DAB1: variants seen among roughly 807,000 people sequenced by gnomAD.
DAB1 encodes the protein DAB adaptor protein 1.
Under a neutral mutation model 64.6 loss-of-function variants are expected in DAB1, and 15 were observed. That is an observed-to-expected ratio of 0.23 (90% CI 0.16 to 0.36). The LOEUF (loss-of-function observed/expected upper bound fraction) is 0.36. Ranked by LOEUF, DAB1 falls within the 10% of genes least tolerant of loss-of-function variation. The pLI, the probability that DAB1 is intolerant of heterozygous loss-of-function variation, is 1.00. For synonymous variants in DAB1, 235 were observed against 251.9 expected, an observed-to-expected ratio of 0.93 and a Z score of 0.64; for missense variants, 596 against 706.7, an observed-to-expected ratio of 0.84 and a Z score of 1.78.
chr1:57,388,345 C>T (rs1053891842), intron 1 of DAB1, among the ~76,000 whole-genome samples: 1 of 152,206 alleles, frequency 6.6e-6, no homozygotes, highest in Non-Finnish European at 1.5e-5. Context: ...CAGCCCTGTT[C>T]CTTGGCTAAA....
At chr1:58,068,269 A>G (rs533959885) in intron 5 of DAB1, among the ~76,000 whole-genome samples, 1 of 152,244 alleles carries the variant, frequency 6.6e-6, no homozygotes, top group South Asian at 2.1e-4. Context: ...GGGTCCTTGC[A>G]TCTCTATCGT....
chr1:57,705,009 G>A (rs1646950885), intron 6 of DAB1, among the ~76,000 whole-genome samples: 1 of 151,876 alleles, frequency 6.6e-6, no homozygotes, highest in Non-Finnish European at 1.5e-5. Context: ...GAAAAAATCT[G>A]AGCTTTTAGT....
At chr1:58,502,524 A>G (rs1645922705) in intron 3 of DAB1, among the ~76,000 whole-genome samples, 1 of 152,222 alleles carries the variant, frequency 6.6e-6, no homozygotes, top group African/African-American at 2.4e-5. Flanking sequence ...TGAGGGGAAC[A>G]TAACTTCACC....
At chr1:57,820,146 A>G (rs1243802786) in intron 6 of DAB1, among the ~76,000 whole-genome samples, 1 of 152,238 alleles carries the variant, frequency 6.6e-6, no homozygotes. Flanking sequence ...TTAAAAGAGC[A>G]GAAACCAGCC....
intron 7 of DAB1, among the ~76,000 whole-genome samples, chr1:57,595,587 C>T (rs1024814566): frequency 6.6e-6 from 1 of 152,090 alleles, no homozygotes; most frequent in Admixed American, 6.5e-5. Context: ...GTTCCTCTGG[C>T]TCCAAATCCA....
intron 7 of DAB1, among the ~76,000 whole-genome samples, chr1:57,609,272 G>A (rs1645697023): frequency 6.6e-6 from 1 of 152,154 alleles, no homozygotes; most frequent in Non-Finnish European, 1.5e-5. Flanking sequence ...GATCGTATGT[G>A]TACTGAACAT....
chr1:57,575,798 G>A (rs954536125), intron 7 of DAB1, among the ~76,000 whole-genome samples: 5 of 152,110 alleles, frequency 3.3e-5, no homozygotes, highest in African/African-American at 4.8e-5. Context: ...TCTCTTATAT[G>A]CCAAGTTCTG....
chr1:57,702,686 G>A (rs1415464847), intron 6 of DAB1, among the ~76,000 whole-genome samples: 1 of 152,152 alleles, frequency 6.6e-6, no homozygotes, highest in East Asian at 1.9e-4. Context: ...CCATTTGGAA[G>A]ATATTTAGTA....
At chr1:57,781,037 A>G (rs1292484406) in intron 6 of DAB1, among the ~76,000 whole-genome samples, 3 of 125,334 alleles carry the variant, frequency 2.4e-5, no homozygotes, top group African/African-American at 5.8e-5. Flanking sequence ...GTTTTGTATT[A>G]TTTCTTTCCA....
intron 3 of DAB1, among the ~76,000 whole-genome samples, chr1:58,463,338 T>C (rs1208245282): frequency 6.6e-6 from 1 of 152,190 alleles, no homozygotes; most frequent in East Asian, 1.9e-4. Flanking sequence ...CTCTGTCACC[T>C]TCCTAGGGCC....
At chr1:57,605,819 C>T (rs576036371) in intron 7 of DAB1, 3 of 476,842 alleles carry the variant, frequency 6.3e-6, no homozygotes, top group African/African-American at 5.9e-5. Flanking sequence ...TTTAAACAAC[C>T]AGTAATCAAT....
chr1:58,092,648 G>T (rs1462605835), intron 5 of DAB1, among the ~76,000 whole-genome samples: 1 of 152,138 alleles, frequency 6.6e-6, no homozygotes, highest in Non-Finnish European at 1.5e-5. Context: ...GAGAGTGGCC[G>T]TAACTAAAAT....
intron 7 of DAB1, among the ~76,000 whole-genome samples, chr1:57,543,397 C>T (rs1644824242): frequency 6.6e-6 from 1 of 152,140 alleles, no homozygotes; most frequent in Non-Finnish European, 1.5e-5. Flanking sequence ...GTTCTAAGCA[C>T]AATCATGTCC....
At chr1:57,312,789 G>A (rs1385208193) in intron 1 of DAB1, among the ~76,000 whole-genome samples, 1 of 152,136 alleles carries the variant, frequency 6.6e-6, no homozygotes, top group African/African-American at 2.4e-5. Flanking sequence ...TGCAGCAGTG[G>A]CCGGTGAGCA....
intron 2 of DAB1, among the ~76,000 whole-genome samples, chr1:57,152,958 C>T (rs143129456): frequency 9.2e-5 from 14 of 152,136 alleles, no homozygotes; most frequent in East Asian, 3.9e-4. Context: ...TTTTTGAGCA[C>T]GTAACTCTAA....
intron 7 of DAB1, among the ~76,000 whole-genome samples, chr1:57,442,646 C>T: frequency 6.6e-6 from 1 of 152,112 alleles, no homozygotes; most frequent in South Asian, 2.1e-4. Context: ...GAAAATGTTA[C>T]TCTCATCCTT....
chr1:58,247,043 G>T (rs1660570959), intron 4 of DAB1, among the ~76,000 whole-genome samples: 4 of 152,120 alleles, frequency 2.6e-5, no homozygotes, highest in Admixed American at 2.6e-4. Flanking sequence ...TTATGTTTTT[G>T]ATCTGGGAGT....
intron 4 of DAB1, among the ~76,000 whole-genome samples, chr1:57,130,161 T>G (rs1657525072): frequency 6.6e-6 from 1 of 151,890 alleles, no homozygotes; most frequent in Admixed American, 6.6e-5. Context: ...TTAATTCTGC[T>G]TAGAGGACAT....
intron 1 of DAB1, among the ~76,000 whole-genome samples, chr1:57,317,043 G>A (rs748706948): frequency 2.0e-5 from 3 of 152,168 alleles, no homozygotes; most frequent in Non-Finnish European, 4.4e-5. Flanking sequence ...CTTTCATCTT[G>A]CTCTCCATCT....
Sources: allele counts gnomAD v4.1 joint callset (sites outside exome capture counted in the v4.1 genomes callset), GRCh38; gene constraint gnomAD v4.1.1; transcripts MANE v1.5; gene names NCBI Gene and HGNC (gene_info 2026-07-23, HGNC 2026-07-21).